The following PIAS1 variants were observed in gnomAD, a reference collection of about 807,000 sequenced individuals.
PIAS1 encodes the protein protein inhibitor of activated STAT 1.
In PIAS1, 6 loss-of-function variants were observed where a neutral mutation model predicts 71.3. That is an observed-to-expected ratio of 0.08 (90% CI 0.05 to 0.17). The LOEUF is 0.17. Among genes scored for constraint, PIAS1 ranks in the 10% least tolerant of loss-of-function variants. PIAS1 has a pLI of 1.00. For synonymous variants in PIAS1, 303 were observed against 292.9 expected, an observed-to-expected ratio of 1.03 and a Z score of -0.35; for missense variants, 555 against 793.6, an observed-to-expected ratio of 0.70 and a Z score of 3.61.
chr15:68,064,482 G>A (rs760802993), intron 1 of PIAS1, among the ~76,000 whole-genome samples: 42 of 152,154 alleles, frequency 2.8e-4, no homozygotes, highest in Non-Finnish European at 5.9e-5. Flanking sequence ...ACAAAATCAT[G>A]CCTGGATAAA....
At chr15:68,151,049 C>CTAAT (rs2092840319) in intron 6 of PIAS1, among the ~76,000 whole-genome samples, 1 of 151,282 alleles carries the variant, frequency 6.6e-6, no homozygotes, top group Non-Finnish European at 1.5e-5. Context: ...ATAAACAAAA[C>CTAAT]TATCAGTATA....
chr15:68,110,936 A>T (rs2092518564), intron 2 of PIAS1, among the ~76,000 whole-genome samples: 1 of 152,148 alleles, frequency 6.6e-6, no homozygotes, highest in Non-Finnish European at 1.5e-5. Flanking sequence ...TATTGAATAT[A>T]TAGGGTTTAA....
rs2092287891 is a variant in PIAS1, at chr15:68,086,867, G to A, written c.469+117G>A. 15 of 590,478 alleles carry A rather than the reference G, an allele frequency of 2.5e-5. No individual in the cohort carries two copies. The highest frequency in any genetic ancestry group is 3.1e-5 in the Admixed American group (1 of 32,558). 36.6% of individuals were successfully genotyped at this position (590,478 alleles called of 1,614,324 possible). Reference sequence around the variant, plus strand: ...AAATTTTCATTTGATAGTAACAGCTGGATAATAATGAAGATCTTTCAAATT... The same window carrying A: ...AAATTTTCATTTGATAGTAACAGCTAGATAATAATGAAGATCTTTCAAATT... On this transcript the variant is annotated intron_variant, in intron 2 of 13. Coordinates refer to ENST00000249636, the MANE Select transcript of PIAS1 (RefSeq NM_016166.3). This position sits in a 1 kb window ranked among gnomAD's most constrained non-coding sequence, Gnocchi z 7.2.
In PIAS1 at chr15:68,186,999, C is replaced by A. The variant is rs1477793801; in HGVS notation, c.1663-543C>A. 6.6e-6 allele frequency among the ~76,000 whole-genome samples: 1 copy of A among 152,130 alleles called. No homozygotes were observed. Among genetic ancestry groups the A allele is most frequent in the East Asian group, 1.9e-4 (1 of 5,200 alleles). On this transcript the variant is annotated intron_variant, in intron 13 of 13. Coordinates refer to ENST00000249636, the MANE Select transcript of PIAS1 (RefSeq NM_016166.3). This position sits in a 1 kb window ranked among gnomAD's most constrained non-coding sequence, Gnocchi z 4.4. ...TGTATTTAAAAGTATAATGTGTAGC[C>A]AAGAGAAAGATAAATTTCCTTGGAA...
chr15:68,102,131 T>C (rs781571135), intron 2 of PIAS1, among the ~76,000 whole-genome samples: 3 of 152,232 alleles, frequency 2.0e-5, no homozygotes, highest in Non-Finnish European at 2.9e-5. Context: ...TGTGATCCAT[T>C]TGTTACTACT....
At chr15:68,068,644 G>A (rs1404347124) in intron 1 of PIAS1, among the ~76,000 whole-genome samples, 1 of 151,966 alleles carries the variant, frequency 6.6e-6, no homozygotes, top group Non-Finnish European at 1.5e-5. Flanking sequence ...GTAGAGAAGG[G>A]ATTTTGCCCT....
intron 2 of PIAS1, among the ~76,000 whole-genome samples, chr15:68,131,486 A>AG (rs2092687746): frequency 6.6e-6 from 1 of 151,734 alleles, no homozygotes. Context: ...TTATTAAAAA[A>AG]AAAACTTATT....
intron 2 of PIAS1, among the ~76,000 whole-genome samples, chr15:68,132,968 GTTTTCTTTTC>G (rs1299061429): frequency 3.4e-5 from 5 of 147,316 alleles, no homozygotes; most frequent in Admixed American, 6.7e-5. Context: ...TATCCTTCTG[GTTTTCTTTTC>G]TTTTCTTTTT....
intron 2 of PIAS1, among the ~76,000 whole-genome samples, chr15:68,100,670 C>CA (rs2092415707): frequency 6.6e-6 from 1 of 151,952 alleles, no homozygotes; most frequent in African/African-American, 2.4e-5. Flanking sequence ...GGTAAATGCC[C>CA]AAGGGTTATC....
At chr15:68,056,033 T>C (rs1209101565) in intron 1 of PIAS1, 6 of 619,322 alleles carry the variant, frequency 9.7e-6, no homozygotes, top group Non-Finnish European at 1.5e-5. Context: ...TTGACTGAAA[T>C]GAGAAAGCCT....
intron 2 of PIAS1, among the ~76,000 whole-genome samples, chr15:68,125,891 G>A (rs1361183381): frequency 1.3e-5 from 2 of 152,052 alleles, no homozygotes; most frequent in African/African-American, 4.8e-5. Flanking sequence ...GTAGAGACAG[G>A]TTTGCTATGC....
chr15:68,124,964 T>C (rs1023163394), intron 2 of PIAS1, among the ~76,000 whole-genome samples: 1 of 152,212 alleles, frequency 6.6e-6, no homozygotes, highest in African/African-American at 2.4e-5. Context: ...GAGATAAGAT[T>C]TGGCTTATTT....
chr15:68,091,023 G>A (rs1460046740), intron 2 of PIAS1, among the ~76,000 whole-genome samples: 1 of 150,792 alleles, frequency 6.6e-6, no homozygotes, highest in East Asian at 2.0e-4. Context: ...CCTGGCAGCC[G>A]CATGTATTAT....
rs1266933885 is a variant in PIAS1 at position 68,192,419 on chromosome 15, C to T, written c.*4584C>T. On this transcript the variant is annotated 3_prime_UTR_variant, in exon 14 of 14. Transcript: ENST00000249636. ...CAGCCAAATCTCGTAAACCTCAGACCCCACAAAACATCTGCTCCTACACTG... is the reference window on the plus strand; with the variant it reads ...CAGCCAAATCTCGTAAACCTCAGACTCCACAAAACATCTGCTCCTACACTG... The T allele has an allele frequency of 6.6e-6, 1 of 152,138 alleles. No individual in the cohort carries two copies. Among genetic ancestry groups the T allele is most frequent in the African/African-American group, 2.4e-5 (1 of 41,410 alleles). The allele number at this position is 152,138 out of a possible 1,614,324, so 9.4% of individuals were successfully genotyped here. A position where few individuals can be genotyped will look rare whatever the true frequency, so the allele number is the denominator to read the frequency against.
intron 2 of PIAS1, among the ~76,000 whole-genome samples, chr15:68,120,328 A>G (rs144949542): frequency 4.0e-5 from 6 of 151,770 alleles, no homozygotes; most frequent in Admixed American, 6.6e-5. Context: ...ATTTTATGCT[A>G]TTGTTGATAT....
chr15:68,102,808 A>C (rs1399370609), intron 2 of PIAS1, among the ~76,000 whole-genome samples: 1 of 152,116 alleles, frequency 6.6e-6, no homozygotes, highest in Admixed American at 6.5e-5. Context: ...GCAAACAGGG[A>C]CAGTTTTTAT....
At chr15:68,123,107 A>G (rs564318451) in intron 2 of PIAS1, among the ~76,000 whole-genome samples, 2 of 152,000 alleles carry the variant, frequency 1.3e-5, no homozygotes, top group East Asian at 3.9e-4. Flanking sequence ...GCTGGAATGC[A>G]GTGGTACAAG....
intron 1 of PIAS1, among the ~76,000 whole-genome samples, chr15:68,062,696 A>G (rs1486210077): frequency 6.6e-6 from 1 of 152,204 alleles, no homozygotes; most frequent in Admixed American, 6.5e-5. Context: ...GTATGTCTGT[A>G]TAATATTTTT....
intron 2 of PIAS1, among the ~76,000 whole-genome samples, chr15:68,101,942 C>G (rs928433551): frequency 8.5e-5 from 13 of 152,058 alleles, no homozygotes; most frequent in Non-Finnish European, 7.4e-5. Context: ...TTTGTAGAGA[C>G]GGGATCTGGT....
Sources: gnomAD v4.1 joint callset for allele counts (sites outside exome capture counted in the v4.1 genomes callset) on GRCh38, gnomAD v4.1.1 for gene constraint, Gnocchi (gnomAD v3.1) non-coding constraint, MANE v1.5 for transcripts, NCBI Gene and HGNC (gene_info 2026-07-23, HGNC 2026-07-21) for gene names.